Variants in CDIP1 observed in about 807,000 individuals in gnomAD.
The protein encoded by CDIP1 is cell death inducing p53 target 1.
Under a neutral mutation model 17.7 loss-of-function variants are expected in CDIP1, and 9 were observed. The observed-to-expected ratio is 0.51, with a 90% CI of 0.31 to 0.89. The LOEUF is 0.89. CDIP1 is among the 40% of genes least tolerant of loss of function. CDIP1 has a pLI of 0.05. For synonymous variants in CDIP1, 117 were observed against 109.5 expected, an observed-to-expected ratio of 1.07 and a Z score of -0.43; for missense variants, 263 against 277.9, an observed-to-expected ratio of 0.95 and a Z score of 0.38.
At chr16:4,526,931 T>A (rs1021566627) in intron 1 of CDIP1, among the ~76,000 whole-genome samples, 2 of 151,552 alleles carry the variant, frequency 1.3e-5, no homozygotes, top group Non-Finnish European at 2.9e-5. Context: ...GACTCTCCAG[T>A]CTCAGATTTT....
chr16:4,534,690 GTTT>G (rs762718101), intron 1 of CDIP1, among the ~76,000 whole-genome samples: 1 of 130,406 alleles, frequency 7.7e-6, no homozygotes, highest in Non-Finnish European at 1.6e-5. Context: ...TGTTTGCATG[GTTT>G]TTTTTTTTTT....
chr16:4,518,307 G>A (rs1046223227), intron 1 of CDIP1, among the ~76,000 whole-genome samples: 2 of 152,216 alleles, frequency 1.3e-5, no homozygotes, highest in African/African-American at 2.4e-5. Context: ...ATACAGCCTT[G>A]CCCATGATGA....
In CDIP1 at chr16:4,514,056, C is replaced by T. The variant is rs371569735; in HGVS notation, c.75G>A (p.Pro25=). Residue 25 remains proline, a synonymous_variant, in exon 3 of 6, where the codon CCG becomes CCA. Coordinates refer to ENST00000567695, the MANE Select transcript of CDIP1 (RefSeq NM_013399.3). This position sits in a 1 kb window ranked among gnomAD's most constrained non-coding sequence, Gnocchi z 5.2. The part of the protein sequence containing the change: ...APLLEEKSGA[P]PTPGRSSPAV... The stretch of plus-strand genomic sequence containing the variant: ...ACAGTGACCCCCTACCTGGGGTGGG[C>T]GGGGCTCCACTTTTCTCTTCCAGAA... 2.0e-5 allele frequency: 30 copies of T among 1,511,446 alleles called. No individual in the cohort carries two copies. Among genetic ancestry groups the T allele is most frequent in the Middle Eastern group, 1.8e-4 (1 of 5,708 alleles). The allele number at this position is 1,511,446 out of a possible 1,614,324, so 93.6% of individuals were successfully genotyped here. A position where few individuals can be genotyped will look rare whatever the true frequency, so the allele number is the denominator to read the frequency against.
intron 1 of CDIP1, among the ~76,000 whole-genome samples, chr16:4,537,619 G>A (rs2059122310): frequency 6.6e-6 from 1 of 152,190 alleles, no homozygotes; most frequent in Non-Finnish European, 1.5e-5. Context: ...CCCCAGCTGC[G>A]CCCGGGAATG....
intron 1 of CDIP1, among the ~76,000 whole-genome samples, chr16:4,534,139 C>CG (rs1297120966): frequency 6.6e-6 from 1 of 151,944 alleles, no homozygotes; most frequent in Non-Finnish European, 1.5e-5. Flanking sequence ...TTAGTAGAGG[C>CG]GGGGTTTCAC....
chr16:4,536,843 T>C (rs1418450055), intron 1 of CDIP1: 1 of 150,482 alleles, frequency 6.6e-6, no homozygotes, highest in Admixed American at 6.6e-5. Flanking sequence ...CTCAGGAGGA[T>C]CGCTGGAGAC....
At chr16:4,531,502 G>A (rs1372253301) in intron 1 of CDIP1, among the ~76,000 whole-genome samples, 1 of 152,180 alleles carries the variant, frequency 6.6e-6, no homozygotes, top group East Asian at 1.9e-4. Flanking sequence ...AGAGATGACT[G>A]GGTCCAAGTC....
At position 4,512,159 on chromosome 16, in the gene CDIP1, C is replaced by T. The variant is rs1328054488; in HGVS notation, c.*413G>A. ...CATTCTCGGCCCAGCAGGTCAGAAA[C>T]GCCTGTGGCCACAGGCCTGGGGACT... On this transcript the variant is annotated 3_prime_UTR_variant, in exon 6 of 6. Coordinates refer to ENST00000567695, the MANE Select transcript of CDIP1 (RefSeq NM_013399.3). The surrounding 1 kb of genome is among the most constrained non-coding windows in gnomAD (Gnocchi z 4.6). 1 of 195,884 alleles carries T rather than the reference C, an allele frequency of 5.1e-6. No homozygotes were observed. 12.1% of individuals were successfully genotyped at this position (195,884 alleles called of 1,614,324 possible). A position where few individuals can be genotyped will look rare whatever the true frequency, so the allele number is the denominator to read the frequency against.
intron 1 of CDIP1, among the ~76,000 whole-genome samples, chr16:4,520,089 T>C (rs936134136): frequency 7.2e-5 from 11 of 151,950 alleles, no homozygotes; most frequent in African/African-American, 2.2e-4. Context: ...AATGGACTAA[T>C]ACTACATCAA....
At chr16:4,530,964 CAGA>C (rs1316729039) in intron 1 of CDIP1, among the ~76,000 whole-genome samples, 1 of 152,086 alleles carries the variant, frequency 6.6e-6, no homozygotes, top group African/African-American at 2.4e-5. Context: ...CTGGCTGGGA[CAGA>C]AGACTTATTC....
chr16:4,532,013 T>A (rs1373368181), intron 1 of CDIP1, among the ~76,000 whole-genome samples: 1 of 152,216 alleles, frequency 6.6e-6, no homozygotes, highest in Non-Finnish European at 1.5e-5. Flanking sequence ...TCTGAGCTAA[T>A]AGGCAATTCA....
intron 1 of CDIP1, among the ~76,000 whole-genome samples, chr16:4,521,281 A>C (rs1040028446): frequency 1.3e-5 from 2 of 152,160 alleles, no homozygotes; most frequent in African/African-American, 4.8e-5. Context: ...GTTATTATTA[A>C]AACAGTTCTG....
intron 1 of CDIP1, among the ~76,000 whole-genome samples, chr16:4,537,673 G>C (rs571886530): frequency 2.6e-5 from 4 of 152,322 alleles, no homozygotes; most frequent in Non-Finnish European, 5.9e-5. Context: ...CAGCGCGACG[G>C]AACTACAGCA....
At chr16:4,526,781 A>G (rs1368765418) in intron 1 of CDIP1, among the ~76,000 whole-genome samples, 10 of 151,820 alleles carry the variant, frequency 6.6e-5, no homozygotes, top group Admixed American at 4.6e-4. Context: ...ACATCAGCCC[A>G]ACCCCATGGC....
At chr16:4,535,168 A>T (rs2059095327) in intron 1 of CDIP1, among the ~76,000 whole-genome samples, 1 of 151,950 alleles carries the variant, frequency 6.6e-6, no homozygotes, top group African/African-American at 2.4e-5. Flanking sequence ...TGGGGGAAAA[A>T]CCCAGACACT....
intron 1 of CDIP1, among the ~76,000 whole-genome samples, chr16:4,516,928 A>G (rs1369124205): frequency 6.6e-6 from 1 of 151,902 alleles, no homozygotes; most frequent in African/African-American, 2.4e-5. Flanking sequence ...CAGGCTGGTA[A>G]ATCCTTTTAA....
intron 1 of CDIP1, among the ~76,000 whole-genome samples, chr16:4,534,847 T>C (rs555268604): frequency 6.6e-6 from 1 of 151,926 alleles, no homozygotes; most frequent in East Asian, 1.9e-4. Context: ...GCCTCCGGAG[T>C]AGCTGGGATT....
chr16:4,532,938 G>A (rs961872922), intron 1 of CDIP1: 4 of 152,186 alleles, frequency 2.6e-5, no homozygotes, highest in Non-Finnish European at 5.9e-5. Flanking sequence ...GGACTCTTCA[G>A]GTTCAAGGAT....
intron 1 of CDIP1, among the ~76,000 whole-genome samples, chr16:4,523,486 C>G (rs552336685): frequency 6.6e-6 from 1 of 152,202 alleles, no homozygotes; most frequent in African/African-American, 2.4e-5. Flanking sequence ...TGCACTCTAA[C>G]CTGGCGACAG....
Sources: gnomAD v4.1 joint callset for allele counts (sites outside exome capture counted in the v4.1 genomes callset) on GRCh38, gnomAD v4.1.1 for gene constraint, Gnocchi (gnomAD v3.1) non-coding constraint, MANE v1.5 for transcripts, NCBI Gene and HGNC (gene_info 2026-07-23, HGNC 2026-07-21) for gene names.